Variants in TRIO observed in about 807,000 individuals in gnomAD.
The protein encoded by TRIO is trio Rho guanine nucleotide exchange factor, also known as triple functional domain protein.
In TRIO, 58 loss-of-function variants were observed where a neutral mutation model predicts 351.9. That is an observed-to-expected ratio of 0.16 (90% CI 0.13 to 0.21). The LOEUF is 0.21. Among genes scored for constraint, TRIO ranks in the 10% least tolerant of loss-of-function variants. The pLI is 1.00. For missense variants in TRIO, 3,201 were observed against 4,027.8 expected, an observed-to-expected ratio of 0.79 and a Z score of 5.56; for synonymous variants, 1,758 against 1,595.7, an observed-to-expected ratio of 1.10 and a Z score of -2.42.
chr5:14,214,364 A>G (rs1389149464), intron 1 of TRIO, among the ~76,000 whole-genome samples: 1 of 152,168 alleles, frequency 6.6e-6, no homozygotes, highest in African/African-American at 2.4e-5. Context: ...CAGGCAGAGA[A>G]CCGAGGCTGT....
intron 34 of TRIO, among the ~76,000 whole-genome samples, chr5:14,444,092 T>C (rs1752264063): frequency 6.6e-6 from 1 of 152,098 alleles, no homozygotes; most frequent in African/African-American, 2.4e-5. Context: ...TTTTTTTTTT[T>C]TTCTTTCTGT....
At chr5:14,504,935 G>T (rs540079032) in intron 55 of TRIO, among the ~76,000 whole-genome samples, 121 of 152,208 alleles carry the variant, frequency 7.9e-4, no homozygotes, top group African/African-American at 2.8e-3. Flanking sequence ...CCCATTAGTG[G>T]TTGGAGGCTG....
At chr5:14,305,107 T>G (rs1738244828) in intron 8 of TRIO, among the ~76,000 whole-genome samples, 1 of 152,256 alleles carries the variant, frequency 6.6e-6, no homozygotes, top group Non-Finnish European at 1.5e-5. Flanking sequence ...AAGGACTTTA[T>G]GTAATGACTG....
At chr5:14,467,849 T>G (rs1754378977) in intron 37 of TRIO, among the ~76,000 whole-genome samples, 2 of 152,128 alleles carry the variant, frequency 1.3e-5, no homozygotes, top group South Asian at 4.1e-4. Context: ...CATGCCAGTA[T>G]GTACTGAGTT....
intron 44 of TRIO, 24 bp downstream of exon 44, chr5:14,481,308 C>T: frequency 6.2e-7 from 1 of 1,611,338 alleles, no homozygotes; most frequent in Non-Finnish European, 8.5e-7. Context: ...CGGCTGTGGG[C>T]ACCCAAATCC....
chr5:14,211,625 T>C (rs1246864798), intron 1 of TRIO, among the ~76,000 whole-genome samples: 3 of 147,946 alleles, frequency 2.0e-5, no homozygotes, highest in Non-Finnish European at 4.5e-5. Flanking sequence ...TTAAGATCTG[T>C]TCTTTAGAAA....
At chr5:14,235,256 T>A (rs1034390612) in intron 1 of TRIO, among the ~76,000 whole-genome samples, 2 of 152,248 alleles carry the variant, frequency 1.3e-5, no homozygotes, top group Admixed American at 1.3e-4. Flanking sequence ...AGAAGTATAT[T>A]CTAAGCATTA....
At chr5:14,482,060 A>G (rs762335113) in intron 45 of TRIO, among the ~76,000 whole-genome samples, 2 of 152,172 alleles carry the variant, frequency 1.3e-5, no homozygotes. Context: ...CATATTAGCT[A>G]TTACATATCC....
chr5:14,479,153 G>C (rs1308563725), intron 41 of TRIO, 108 bp from the exon 42 acceptor site: 1 of 909,600 alleles, frequency 1.1e-6, no homozygotes, highest in Non-Finnish European at 1.8e-6. Flanking sequence ...GTGCAGCTTG[G>C]TTTTAAGATG....
At chr5:14,295,184 A>C (rs1737243560) in intron 6 of TRIO, among the ~76,000 whole-genome samples, 1 of 152,204 alleles carries the variant, frequency 6.6e-6, no homozygotes, top group African/African-American at 2.4e-5. Flanking sequence ...ACAATTTCTG[A>C]CAAAATAAGG....
At chr5:14,505,214 CTAGGGGTGGGTTCTCGTGGAAATG>C (rs1019272826) in intron 55 of TRIO, among the ~76,000 whole-genome samples, 1 of 152,262 alleles carries the variant, frequency 6.6e-6, no homozygotes, top group Admixed American at 6.5e-5. Context: ...CGGTTCTCAT[CTAGGGGTGGGTTCTCGTGGAAATG>C]TCAGGAGAGC....
At chr5:14,370,056 T>A (rs1744944985) in intron 18 of TRIO, among the ~76,000 whole-genome samples, 1 of 152,218 alleles carries the variant, frequency 6.6e-6, no homozygotes, top group Non-Finnish European at 1.5e-5. Flanking sequence ...GCTGGGAGTT[T>A]TCTCTCTGAG....
chr5:14,442,015 G>A (rs1752093019), intron 34 of TRIO, among the ~76,000 whole-genome samples: 1 of 152,190 alleles, frequency 6.6e-6, no homozygotes. Flanking sequence ...ATACAAAAGA[G>A]ACAAGGTGAG....
chr5:14,276,049 GT>G (rs55864994), intron 2 of TRIO, among the ~76,000 whole-genome samples: 70,287 of 142,388 alleles, frequency 0.49, 17,163 homozygotes, highest in East Asian at 0.57. Flanking sequence ...ATGGACATTT[GT>G]TTTTTTTTTT....
intron 19 of TRIO, among the ~76,000 whole-genome samples, chr5:14,376,332 A>G (rs1334151032): frequency 4.6e-5 from 7 of 152,208 alleles, no homozygotes; most frequent in Non-Finnish European, 7.3e-5. Flanking sequence ...AGCAAAACAG[A>G]CTTAGTGTCA....
At chr5:14,366,722 T>C in intron 15 of TRIO, 138 bp from the exon 16 acceptor site, 1 of 1,280,348 alleles carries the variant, frequency 7.8e-7, no homozygotes, top group Admixed American at 2.2e-5. Context: ...TGCCTGGATT[T>C]TAGGATGATG....
intron 1 of TRIO, among the ~76,000 whole-genome samples, chr5:14,257,447 T>A (rs1430333391): frequency 2.0e-5 from 3 of 151,944 alleles, no homozygotes; most frequent in Admixed American, 6.6e-5. Flanking sequence ...AAAAAAAAAA[T>A]TTTGCTCACG....
intron 37 of TRIO, chr5:14,466,553 T>A (rs1247829559): frequency 1.3e-5 from 2 of 152,240 alleles, no homozygotes; most frequent in Non-Finnish European, 2.9e-5. Flanking sequence ...TTTTCCTAAC[T>A]GGGAAGTGGA....
intron 7 of TRIO, among the ~76,000 whole-genome samples, chr5:14,302,835 G>C (rs901946630): frequency 2.6e-5 from 4 of 152,232 alleles, no homozygotes; most frequent in African/African-American, 7.2e-5. Flanking sequence ...GGTTAAAACC[G>C]AGGGAAATGT....
Sources: allele counts gnomAD v4.1 joint callset (sites outside exome capture counted in the v4.1 genomes callset), GRCh38; gene constraint gnomAD v4.1.1; transcripts MANE v1.5; gene names NCBI Gene and HGNC (gene_info 2026-07-23, HGNC 2026-07-21).